Variants in NRG1 observed in about 807,000 individuals in gnomAD.
NRG1 encodes the protein pro-neuregulin-1, membrane-bound isoform.
A neutral mutation model predicts 63.8 loss-of-function variants in NRG1; 18 were observed. The ratio of observed to expected loss-of-function variants is 0.28; its 90% CI spans 0.19 to 0.42. The LOEUF (loss-of-function observed/expected upper bound fraction) is 0.42. Among genes scored for constraint, NRG1 ranks in the 10% least tolerant of loss-of-function variants. NRG1 has a pLI of 1.00. For missense variants in NRG1, 762 were observed against 814.7 expected, an observed-to-expected ratio of 0.94 and a Z score of 0.79; for synonymous variants, 302 against 301.3, an observed-to-expected ratio of 1.00 and a Z score of -0.02.
At chr8:32,772,742 T>C (rs372814869), downstream of NRG1, among the ~76,000 whole-genome samples, 1 of 152,154 alleles carries the variant, frequency 6.6e-6, no homozygotes, top group East Asian at 1.9e-4. Context: ...CCTTGATTTG[T>C]ACTTTTGTGG....
intron 1 of NRG1, among the ~76,000 whole-genome samples, chr8:31,795,668 G>A (rs7014729): frequency 0.22 from 32,152 of 147,386 alleles, 3,812 homozygotes; most frequent in Middle Eastern, 0.27. Flanking sequence ...GGCTAGGTCA[G>A]CCCATTTTTT....
chr8:31,683,159 G>A (rs767516432), intron 1 of NRG1, among the ~76,000 whole-genome samples: 1 of 152,058 alleles, frequency 6.6e-6, no homozygotes, highest in African/African-American at 2.4e-5. Flanking sequence ...AAAATGAAGC[G>A]TTCTCTTACC....
At chr8:32,108,900 G>A (rs1831630116) in intron 1 of NRG1, among the ~76,000 whole-genome samples, 1 of 152,076 alleles carries the variant, frequency 6.6e-6, no homozygotes, top group South Asian at 2.1e-4. Context: ...AGAACCGTAA[G>A]ATAATAAATT....
chr8:32,639,540 T>C (rs1851931447), intron 5 of NRG1, among the ~76,000 whole-genome samples: 1 of 152,254 alleles, frequency 6.6e-6, no homozygotes, highest in Non-Finnish European at 1.5e-5. Flanking sequence ...CATGGGCTTA[T>C]GTGAAGTTTC....
intron 5 of NRG1, among the ~76,000 whole-genome samples, chr8:32,715,501 C>G (rs1818946483): frequency 6.6e-6 from 1 of 152,132 alleles, no homozygotes; most frequent in African/African-American, 2.4e-5. Flanking sequence ...AGAGACAATG[C>G]CATCCCTGTG....
intron 1 of NRG1, among the ~76,000 whole-genome samples, chr8:32,073,355 T>C (rs950514398): frequency 2.0e-5 from 3 of 152,054 alleles, no homozygotes; most frequent in Admixed American, 2.0e-4. Context: ...TGCCAACATA[T>C]ACTGAGGATT....
intron 1 of NRG1, among the ~76,000 whole-genome samples, chr8:31,821,930 C>T (rs1212482497): frequency 3.3e-5 from 5 of 152,110 alleles, no homozygotes; most frequent in Non-Finnish European, 5.9e-5. Context: ...TATGAGCAGC[C>T]TTTTTATATT....
intron 7 of NRG1, among the ~76,000 whole-genome samples, chr8:32,748,339 G>GCGCGCA (rs1207515428): frequency 0.05 from 6,362 of 128,028 alleles, 229 homozygotes; most frequent in Admixed American, 0.073. Context: ...GCGCGCGCGC[G>GCGCGCA]CACACACACA....
chr8:32,210,595 G>C (rs1844599092), intron 1 of NRG1, among the ~76,000 whole-genome samples: 1 of 152,126 alleles, frequency 6.6e-6, no homozygotes, highest in Non-Finnish European at 1.5e-5. Flanking sequence ...CCAGCTCTGA[G>C]ACTTTGAAGA....
intron 1 of NRG1, among the ~76,000 whole-genome samples, chr8:31,819,840 C>T (rs1199462658): frequency 1.3e-5 from 2 of 152,124 alleles, no homozygotes; most frequent in Non-Finnish European, 2.9e-5. Context: ...GTTTGCAATA[C>T]AGGATTCTTA....
At chr8:31,747,458 T>C (rs1030308099) in intron 1 of NRG1, among the ~76,000 whole-genome samples, 5 of 152,006 alleles carry the variant, frequency 3.3e-5, no homozygotes, top group African/African-American at 9.7e-5. Flanking sequence ...ATGGAAATTC[T>C]TTTACAGTTA....
At chr8:32,376,406 GC>G (rs1207870970) in intron 1 of NRG1, among the ~76,000 whole-genome samples, 2 of 151,936 alleles carry the variant, frequency 1.3e-5, no homozygotes, top group Admixed American at 1.3e-4. Flanking sequence ...CAATCAATGT[GC>G]CCCATCTTCT....
At chr8:32,647,012 C>A in intron 5 of NRG1, 2 of 981,164 alleles carry the variant, frequency 2.0e-6, no homozygotes, top group Non-Finnish European at 2.4e-6. Flanking sequence ...AATGAGCACT[C>A]AAGAAGGACA....
intron 1 of NRG1, among the ~76,000 whole-genome samples, chr8:32,065,111 A>T (rs1308331396): frequency 1.3e-5 from 2 of 151,588 alleles, no homozygotes; most frequent in Non-Finnish European, 2.9e-5. Context: ...GCTGCTCCTG[A>T]TCCTTTAGTG....
At chr8:32,608,909 G>A (rs1193965369) in intron 3 of NRG1, among the ~76,000 whole-genome samples, 1 of 152,050 alleles carries the variant, frequency 6.6e-6, no homozygotes, top group Non-Finnish European at 1.5e-5. Flanking sequence ...TTGTTTCCTT[G>A]GTTCCCCAGT....
At chr8:32,690,520 G>A (rs1171161106) in intron 5 of NRG1, among the ~76,000 whole-genome samples, 1 of 151,004 alleles carries the variant, frequency 6.6e-6, no homozygotes, top group African/African-American at 2.5e-5. Flanking sequence ...TTCATTCCCA[G>A]GGTAGTAGGT....
At chr8:32,117,398 T>C (rs948233014) in intron 1 of NRG1, among the ~76,000 whole-genome samples, 1 of 152,112 alleles carries the variant, frequency 6.6e-6, no homozygotes, top group Non-Finnish European at 1.5e-5. Flanking sequence ...CCATGCATTA[T>C]TTCCAAATAT....
At chr8:32,036,515 A>G (rs987346643) in intron 1 of NRG1, among the ~76,000 whole-genome samples, 2 of 152,112 alleles carry the variant, frequency 1.3e-5, no homozygotes, top group African/African-American at 4.8e-5. Context: ...GTGATACCCT[A>G]AAGTATATTT....
At chr8:31,894,643 C>T (rs776376) in intron 1 of NRG1, among the ~76,000 whole-genome samples, 12,312 of 151,140 alleles carry the variant, frequency 0.081, 1,628 homozygotes, top group African/African-American at 0.28. Flanking sequence ...CTCCGCCTCC[C>T]GGGTTCACGC....
Sources: allele counts gnomAD v4.1 joint callset (sites outside exome capture counted in the v4.1 genomes callset), GRCh38; gene constraint gnomAD v4.1.1; transcripts MANE v1.5; gene names NCBI Gene and HGNC (gene_info 2026-07-23, HGNC 2026-07-21).